The following RETSAT variants were observed in gnomAD, a reference collection of about 807,000 sequenced individuals.
The protein encoded by RETSAT is retinol saturase.
RETSAT carries 35 observed loss-of-function variants against 61.6 expected under a neutral mutation model. The ratio of observed to expected loss-of-function variants is 0.57; its 90% confidence interval spans 0.43 to 0.75. RETSAT has a LOEUF of 0.75. Ranked by LOEUF, RETSAT falls within the 30% of genes least tolerant of loss-of-function variation. The pLI, the probability that RETSAT is intolerant of heterozygous loss-of-function variation, is 0.00. For synonymous variants in RETSAT, 277 were observed against 310.4 expected, an observed-to-expected ratio of 0.89 and a Z score of 1.13; for missense variants, 670 against 759.5, an observed-to-expected ratio of 0.88 and a Z score of 1.38.
chr2:85,345,306 C>G (rs955739418), intron 6 of RETSAT, among the ~76,000 whole-genome samples: 2 of 152,186 alleles, frequency 1.3e-5, no homozygotes, highest in Admixed American at 1.3e-4. Flanking sequence ...GCCAGGACCT[C>G]GCTTTACCCC....
At chr2:85,349,236 A>G (rs1038676534) in intron 5 of RETSAT, 148 bp downstream of exon 5, 20 of 701,514 alleles carry the variant, frequency 2.9e-5, no homozygotes, top group Non-Finnish European at 1.2e-5. Context: ...ACTAATCACT[A>G]TCCCTGGACC....
At chr2:85,351,551 A>G in intron 2 of RETSAT, 129 bp downstream of exon 2, 1 of 957,500 alleles carries the variant, frequency 1.0e-6, no homozygotes, top group South Asian at 1.7e-5. Flanking sequence ...ACAAACAAAG[A>G]AAAAAAGTAC....
Position 85,342,014 on chromosome 2 carries a change from T to C in RETSAT, c.*1228A>G, listed in dbSNP as rs1022408853. ...GCTTATTTTGGTGTTATTCAGTATA[T>C]AGTGTTTTACTGAGCTTCTGCAAAT... On this transcript the variant is annotated 3_prime_UTR_variant, in exon 11 of 11. Transcript: ENST00000295802. 17 of 528,408 alleles carry C rather than the reference T, an allele frequency of 3.2e-5. No homozygotes were observed. The highest frequency in any genetic ancestry group is 3.1e-4 in the South Asian group (11 of 35,102). The allele number at this position is 528,408 out of a possible 1,614,324, so 32.7% of individuals were successfully genotyped here.
chr2:85,351,439 A>C (rs1226891552), intron 2 of RETSAT: 1 of 488,288 alleles, frequency 2.0e-6, no homozygotes, highest in Non-Finnish European at 3.6e-6. Context: ...CACTCGGGAG[A>C]CTGAGGCATG....
At position 85,343,714 on chromosome 2, in the gene RETSAT, C is replaced by T. The variant is rs1558681103; in HGVS notation, c.1618G>A (p.Asp540Asn). The T allele has an allele frequency of 6.2e-7, 1 of 1,614,116 alleles. No homozygotes were observed. The highest frequency in any genetic ancestry group is 1.7e-5 in the Admixed American group (1 of 60,022). ...PRGACYGADH[D>N]LGRLHPCVMA... ...ACACAAGGGTGCAGGCGGCCCAGGT[C>T]ATGGTCAGCCCCGTAGCAGGCACCT... Residue 540 changes from aspartate to asparagine, a missense_variant, in exon 10 of 11, where the codon GAC (aspartate) becomes AAC (asparagine). Asp to Asn is a conservative substitution (Grantham distance 23). Coordinates refer to ENST00000295802, the MANE Select transcript of RETSAT (RefSeq NM_017750.4).
rs564232947 is a variant in RETSAT, at chr2:85,343,993, C to T, written c.1533+6G>A. On this transcript the variant is annotated splice_donor_region_variant and intron_variant, in intron 9 of 10. Coordinates refer to ENST00000295802, the MANE Select transcript of RETSAT (RefSeq NM_017750.4). ...TCGTCACCACCCCAAATACTTTACC[C>T]CCTACCTTCCCCTCCAGCTGTGGGA... The T allele has an allele frequency of 7.3e-5, 118 of 1,613,898 alleles. No homozygotes were observed. The East Asian group carries it at 2.3e-3, about 31-fold the overall frequency.
chr2:85,350,022 C>A lies in RETSAT; in HGVS notation c.799+18G>T, dbSNP rs1683270717. On this transcript the variant is annotated intron_variant, in intron 4 of 10. Transcript: ENST00000295802. ...TTCCTCCTCCAGAAGCTGCCCAGAGCCCAGGCCCAGTACCCACCGTAAGTG... is the reference window on the plus strand; with the variant it reads ...TTCCTCCTCCAGAAGCTGCCCAGAGACCAGGCCCAGTACCCACCGTAAGTG... 1.2e-6 allele frequency: 2 copies of A among 1,610,872 alleles called. No individual in the cohort carries two copies. The highest frequency in any genetic ancestry group is 1.7e-6 in the Non-Finnish European group (2 of 1,178,476).
chr2:85,349,777 A>AC (rs1370969361), intron 4 of RETSAT, 196 bp from the exon 5 acceptor site: 35 of 633,492 alleles, frequency 5.5e-5, no homozygotes, highest in African/African-American at 9.2e-5. Flanking sequence ...CAGTAGGAAT[A>AC]CCCCCCCTGC....
At position 85,343,334 on chromosome 2, in the gene RETSAT, G is replaced by A. The variant is rs1331865989; in HGVS notation, c.1741C>T (p.Leu581=). ...TTCAGGATGGCGCTGCTGCACAGCA[G>A]GGCACCTTGCAGGGCCCCGACCAGT... ...CGLVGALQGA[L]LCSSAILKRN... The change falls in exon 11 of 11, where the codon CTG becomes TTG. Residue 581 remains leucine, a synonymous_variant. Coordinates refer to ENST00000295802, the MANE Select transcript of RETSAT (RefSeq NM_017750.4). 1.2e-6 allele frequency: 2 copies of A among 1,614,258 alleles called. No individual in the cohort carries two copies. Among genetic ancestry groups the A allele is most frequent in the Non-Finnish European group, 1.7e-6 (2 of 1,180,042 alleles).
chr2:85,354,464 G>T lies in RETSAT; in HGVS notation c.44C>A (p.Ala15Asp). The T allele has an allele frequency of 6.2e-7, 1 of 1,613,926 alleles. No homozygotes were observed. Among genetic ancestry groups the T allele is most frequent in the Non-Finnish European group, 8.5e-7 (1 of 1,179,922 alleles). ...LVLLLAVLLLAVLCKVYLGLF... is the reference protein window; with the variant it reads ...LVLLLAVLLLDVLCKVYLGLF... ...TCCCAAGTAAACTTTGCAGAGGACGGCCAGCAGCAGCACAGCCAGGAGCAG... is the reference window on the plus strand; with the variant it reads ...TCCCAAGTAAACTTTGCAGAGGACGTCCAGCAGCAGCACAGCCAGGAGCAG... Residue 15 changes from alanine (A) to aspartate (D), a missense_variant, in exon 1 of 11, where the codon GCC (alanine) becomes GAC (aspartate). Coordinates refer to ENST00000295802, the MANE Select transcript of RETSAT (RefSeq NM_017750.4).
rs540151089 is a variant in RETSAT at position 85,348,579 on chromosome 2, C to T, written c.997+805G>A. Among the ~76,000 whole-genome samples, 477 of 129,572 alleles carry T rather than the reference C, an allele frequency of 3.7e-3. 5 individuals are homozygous for T. Among genetic ancestry groups the T allele is most frequent in the African/African-American group, 0.013 (454 of 34,068 alleles). The allele number at this position is 129,572 out of a possible 152,430, so 85.0% of individuals were successfully genotyped here. A position where few individuals can be genotyped will look rare whatever the true frequency, so the allele number is the denominator to read the frequency against. On this transcript the variant is annotated intron_variant, in intron 5 of 10. Coordinates refer to ENST00000295802, the MANE Select transcript of RETSAT (RefSeq NM_017750.4). ...CCAGGAGGCGGAGCTTGCAGTGAGCCGAGATCACACCACTGGACTCCAGCC... is the reference window on the plus strand; with the variant it reads ...CCAGGAGGCGGAGCTTGCAGTGAGCTGAGATCACACCACTGGACTCCAGCC...
rs544619588 is a variant in RETSAT, at chr2:85,345,933, T to C, written c.1117+42A>G. 3.2e-5 allele frequency: 51 copies of C among 1,613,704 alleles called. 1 individual carries two copies. The highest frequency in any genetic ancestry group is 1.2e-4 in the Admixed American group (7 of 59,998). On this transcript the variant is annotated intron_variant, in intron 6 of 10. Transcript: ENST00000295802. Reference sequence around the variant, plus strand: ...CAGGTTGGCTCCAGAAGGGGACACATTGGGGAACCTGCAAGAGGGGCAGTG... The same window carrying C: ...CAGGTTGGCTCCAGAAGGGGACACACTGGGGAACCTGCAAGAGGGGCAGTG...
Position 85,354,396 on chromosome 2 carries a change from T to C in RETSAT, c.112A>G (p.Lys38Glu). ...SSPNPFSEDV[K>E]RPPAPLVTDK... ...GTTACCAGGGGCGCTGGGGGCCGTT[T>C]GACATCTTCGGAGAAAGGATTCGGG... is the stretch of plus-strand genomic sequence containing the variant. Residue 38 changes from lysine (K) to glutamate (E), a missense_variant, in exon 1 of 11, where the codon AAA (lysine) becomes GAA (glutamate). By Grantham distance (56) the Lys-to-Glu change is moderately conservative. Coordinates refer to ENST00000295802, the MANE Select transcript of RETSAT (RefSeq NM_017750.4). The C allele has an allele frequency of 6.2e-7, 1 of 1,614,222 alleles. No homozygotes were observed. Among genetic ancestry groups the C allele is most frequent in the Middle Eastern group, 1.6e-4 (1 of 6,062 alleles).
At chr2:85,351,116 C>T (rs984662627) in intron 2 of RETSAT, 95 bp from the exon 3 acceptor site, 2 of 1,493,060 alleles carry the variant, frequency 1.3e-6, no homozygotes, top group South Asian at 2.5e-5. Flanking sequence ...TTTATCTGGC[C>T]TGGCCAAGTT....
At chr2:85,349,975 T>G in intron 4 of RETSAT, 65 bp downstream of exon 4, 1 of 1,476,814 alleles carries the variant, frequency 6.8e-7, no homozygotes, top group Non-Finnish European at 9.4e-7. Context: ...AGAAGAAAGA[T>G]TGAGAGATGA....
At chr2:85,344,765 C>A (rs533046199) in intron 6 of RETSAT, 33 bp from the exon 7 acceptor site, 1 of 1,608,050 alleles carries the variant, frequency 6.2e-7, no homozygotes, top group Admixed American at 1.7e-5. Context: ...CCTGTGTGGA[C>A]CATGGCCGGA....
chr2:85,344,768 T>C lies in RETSAT; in HGVS notation c.1118-36A>G, dbSNP rs765807265. On this transcript the variant is annotated intron_variant, in intron 6 of 10. Transcript: ENST00000295802. Reference sequence around the variant, plus strand: ...GAGTGGTTGGTGCCTGTGTGGACCATGGCCGGAGACGGCCACTCCTTGCTC... The same window carrying C: ...GAGTGGTTGGTGCCTGTGTGGACCACGGCCGGAGACGGCCACTCCTTGCTC... The C allele has an allele frequency of 1.1e-4, 175 of 1,606,712 alleles. 1 individual carries two copies. The East Asian group carries it at 2.9e-3, about 27-fold the overall frequency.
rs147993013 is a variant in RETSAT, at chr2:85,344,087, C to T, written c.1445G>A (p.Arg482Gln). The change falls in exon 9 of 11, where the codon CGG becomes CAG. Residue 482 changes from arginine to glutamine, a missense_variant. Transcript: ENST00000295802. ...EEWQAELKGK[R>Q]GSDYETFKNS... ...TTTGAAGGTCTCATAGTCACTGCCC[C>T]GCTTTCCCTTCAGCTCCGCCTGCCA... The T allele has an allele frequency of 1.2e-4, 201 of 1,613,896 alleles. No homozygotes were observed. The highest frequency in any genetic ancestry group is 3.5e-4 in the South Asian group (32 of 91,060).
At chr2:85,343,588 C>T (rs777873267) in intron 10 of RETSAT, 51 bp downstream of exon 10, 75 of 1,606,104 alleles carry the variant, frequency 4.7e-5, no homozygotes, top group South Asian at 1.1e-4. Flanking sequence ...GGACGTTGGG[C>T]GACAGGGGCC....
Sources: gnomAD v4.1 joint callset for allele counts (sites outside exome capture counted in the v4.1 genomes callset) on GRCh38, gnomAD v4.1.1 for gene constraint, MANE v1.5 for transcripts, NCBI Gene and HGNC (gene_info 2026-07-23, HGNC 2026-07-21) for gene names.